Variants in AGXT observed in about 807,000 individuals in gnomAD.
AGXT encodes L-alanine: glyoxylate aminotransferase 1.
In AGXT, 41 loss-of-function variants were observed where a neutral mutation model predicts 46.9. The observed-to-expected ratio is 0.88, with a 90% CI of 0.68 to 1.14. The LOEUF is 1.14. AGXT is among the 50% of genes most tolerant of loss of function. AGXT has a pLI of 0.00. For synonymous variants in AGXT, 244 were observed against 227.9 expected, an observed-to-expected ratio of 1.07 and a Z score of -0.64; for missense variants, 525 against 522.7, an observed-to-expected ratio of 1.00 and a Z score of -0.04.
At chr2:240,872,093 G>A (rs990911837) in intron 4 of AGXT, among the ~76,000 whole-genome samples, 3 of 152,228 alleles carry the variant, frequency 2.0e-5, no homozygotes, top group Admixed American at 2.0e-4. Context: ...CGGCCAGCAC[G>A]AGATACTTTC....
chr2:240,876,839 G>C (rs543288028), intron 8 of AGXT: 1 of 170,028 alleles, frequency 5.9e-6, no homozygotes, highest in Admixed American at 5.7e-5. Context: ...GTGGGTGGGG[G>C]GTGTGAGCTG....
rs180177207 is a variant in AGXT, at chr2:240,869,350, G to A, written c.346G>A (p.Gly116Arg). The change falls in exon 2 of 11, where the codon GGG (glycine) becomes AGG (arginine). Residue 116 changes from glycine (G) to arginine (R), a missense_variant. Physicochemically the swap from Gly to Arg is moderately radical, Grantham distance 125. Coordinates refer to ENST00000307503, the MANE Select transcript of AGXT (RefSeq NM_000030.3). ...GIWGQRAVDI[G>R]ERIGARVHPM... is the part of the protein sequence containing the mutation. ...TTGGGGGCAGCGAGCCGTGGACATC[G>A]GGGAGCGCATAGGTAAGGGAGAGGC... The A allele has an allele frequency of 9.4e-6, 15 of 1,597,378 alleles. No homozygotes were observed. The highest frequency in any genetic ancestry group is 1.1e-5 in the South Asian group (1 of 88,072).
rs886055840 is a variant in AGXT at position 240,873,983 on chromosome 2, G to A, written c.601G>A (p.Asp201Asn). The change falls in exon 6 of 11, where the codon GAC becomes AAC. Residue 201 changes from aspartate (D) to asparagine (N), a missense_variant. Physicochemically the swap from Asp to Asn is conservative, Grantham distance 23. Transcript: ENST00000307503. ...TPLYMDRQGI[D>N]ILYSGSQKAL... ...AGCAAACCACCCATCTACAGGCATC[G>A]ACATCCTGTACTCGGGCTCCCAGAA... 1.7e-5 allele frequency: 28 copies of A among 1,613,476 alleles called. No homozygotes were observed. Among genetic ancestry groups the A allele is most frequent in the South Asian group, 8.8e-5 (8 of 91,088 alleles).
intron 5 of AGXT, 48 bp from the exon 6 acceptor site, chr2:240,873,930 T>A: frequency 6.4e-7 from 1 of 1,568,624 alleles, no homozygotes; most frequent in Non-Finnish European, 8.8e-7. Flanking sequence ...TGGACTGGCC[T>A]GCCCTGAGGT....
chr2:240,870,446 G>T (rs1175839151), intron 2 of AGXT, among the ~76,000 whole-genome samples, 198 bp from the exon 3 acceptor site: 1 of 151,946 alleles, frequency 6.6e-6, no homozygotes, highest in Non-Finnish European at 1.5e-5. Context: ...CAGCAGGGGG[G>T]TCAAGATGGC....
At position 240,869,202 on chromosome 2, in the gene AGXT, C is replaced by T. The variant is rs121908521; in HGVS notation, c.198C>T (p.Tyr66=). The T allele has an allele frequency of 1.6e-5, 25 of 1,528,870 alleles. No individual in the cohort carries two copies. The highest frequency in any genetic ancestry group is 8.8e-5 in the Admixed American group (5 of 56,684). The allele number at this position is 1,528,870 out of a possible 1,614,324, so 94.7% of individuals were successfully genotyped here. Residue 66 remains tyrosine (Y), a synonymous_variant, in exon 2 of 11, where the codon TAC becomes TAT. Transcript: ENST00000307503. The part of the protein sequence containing the change: ...IMDEIKEGIQ[Y]VFQTRNPLTL... The stretch of plus-strand genomic sequence containing the variant: ...ACGAGATCAAGGAAGGCATCCAGTA[C>T]GTGTTCCAGACCAGGAACCCACTCA...
At chr2:240,874,275 G>T (rs1349577990) in intron 6 of AGXT, among the ~76,000 whole-genome samples, 4 of 152,202 alleles carry the variant, frequency 2.6e-5, no homozygotes, top group African/African-American at 9.7e-5. Context: ...GCGTGTGCAG[G>T]GTGCAGAGTC....
At position 240,872,462 on chromosome 2, in the gene AGXT, G is replaced by GTGAGAGTT. The variant is rs1559569307; in HGVS notation, c.525-517_525-516insTGAGAGTT. Among the ~76,000 whole-genome samples the GTGAGAGTT allele has an allele frequency of 2.1e-3, 315 of 148,264 alleles. 11 individuals are homozygous for GTGAGAGTT. Among genetic ancestry groups the GTGAGAGTT allele is most frequent in the African/African-American group, 4.0e-3 (165 of 40,784 alleles). ...TTCGTGAACATGCAGGAGGAGGAGG[G>GTGAGAGTT]CGAGAGTTCGTGAACATGGAGGCGG... On this transcript the variant is annotated intron_variant, in intron 4 of 10. Transcript: ENST00000307503.
At position 240,868,965 on chromosome 2, in the gene AGXT, C is replaced by A. The variant is rs758388293; in HGVS notation, c.100C>A (p.Pro34Thr). The change falls in exon 1 of 11, where the codon CCT becomes ACT. Residue 34 changes from proline to threonine, a missense_variant. Physicochemically the swap from Pro to Thr is conservative, Grantham distance 38 (BLOSUM62 -1). Transcript: ENST00000307503. ...LLLGPGPSNL[P>T]PRIMAAGGLQ... ...GCTGGGGCCTGGTCCTTCCAACCTG[C>A]CTCCTCGCATCATGGCAGCCGGGGG... The A allele has an allele frequency of 6.3e-7, 1 of 1,596,628 alleles. No individual in the cohort carries two copies. The highest frequency in any genetic ancestry group is 1.7e-5 in the Admixed American group (1 of 58,976).
rs1167299323 is a variant in AGXT at position 240,880,191 on chromosome 2, C to T, written c.*1370C>T. On this transcript the variant is annotated 3_prime_UTR_variant, in exon 11 of 11. Coordinates refer to ENST00000307503, the MANE Select transcript of AGXT (RefSeq NM_000030.3). Reference sequence around the variant, plus strand: ...GTCATACAATAGGCTTAACCTTATACGAGACTGCCACGAAATTCTCCGAAG... The same window carrying T: ...GTCATACAATAGGCTTAACCTTATATGAGACTGCCACGAAATTCTCCGAAG... The T allele has an allele frequency of 6.6e-6, 1 of 152,206 alleles. No individual in the cohort carries two copies. Among genetic ancestry groups the T allele is most frequent in the Non-Finnish European group, 1.5e-5 (1 of 68,044 alleles). 9.4% of individuals were successfully genotyped at this position (152,206 alleles called of 1,614,324 possible).
intron 4 of AGXT, among the ~76,000 whole-genome samples, chr2:240,872,292 C>A (rs4991355): frequency 1.1e-3 from 36 of 32,210 alleles, no homozygotes; most frequent in Admixed American, 2.7e-3. Flanking sequence ...CGTGAACATG[C>A]AGGAGGAGGA....
chr2:240,875,546 G>A (rs1239158808), intron 7 of AGXT, among the ~76,000 whole-genome samples: 3 of 152,190 alleles, frequency 2.0e-5, no homozygotes, highest in East Asian at 1.9e-4. Flanking sequence ...CTGAAAAGAC[G>A]ACCTTGGCCA....
chr2:240,871,820 T>C (rs2058992505), intron 4 of AGXT, among the ~76,000 whole-genome samples: 2 of 152,190 alleles, frequency 1.3e-5, no homozygotes, highest in Non-Finnish European at 2.9e-5. Flanking sequence ...CCAGCCTCCC[T>C]CATCCCCGCA....
At chr2:240,873,081 C>G (rs368456910) in intron 5 of AGXT, 32 bp downstream of exon 5, 1 of 1,594,990 alleles carries the variant, frequency 6.3e-7, no homozygotes, top group Admixed American at 1.7e-5. Flanking sequence ...CCTACCCAGC[C>G]CAAGCAGCCT....
chr2:240,879,280 C>A lies in AGXT; in HGVS notation c.*459C>A, dbSNP rs2059045102. ...CACACTCTAGCCCCAGATGTCACAC[C>A]CCCAAACGTCCTCACGCACCACATC... is the stretch of plus-strand genomic sequence containing the variant. On this transcript the variant is annotated 3_prime_UTR_variant, in exon 11 of 11. Transcript: ENST00000307503. 8.7e-6 allele frequency: 2 copies of A among 228,970 alleles called. No individual in the cohort carries two copies. The highest frequency in any genetic ancestry group is 8.7e-6 in the Non-Finnish European group (1 of 115,332). The allele number at this position is 228,970 out of a possible 1,614,324, so 14.2% of individuals were successfully genotyped here. A position where few individuals can be genotyped will look rare whatever the true frequency, so the allele number is the denominator to read the frequency against.
Position 240,878,785 on chromosome 2 carries a change from G to A in AGXT, c.1143G>A (p.Arg381=), listed in dbSNP as rs764214047. The A allele has an allele frequency of 9.4e-6, 15 of 1,595,116 alleles. No individual in the cohort carries two copies. The South Asian group carries it at 1.7e-4, about 18-fold the overall frequency. The change falls in exon 11 of 11, where the codon AGG becomes AGA. Residue 381 remains arginine (R), a synonymous_variant. Transcript: ENST00000307503. ...TGGACCGCGTGACGGAGGCCCTGAG[G>A]GCGGCCCTGCAGCACTGCCCCAAGA... ...ENVDRVTEAL[R]AALQHCPKKK... is the part of the protein sequence containing the mutation.
chr2:240,869,193 C>T lies in AGXT; in HGVS notation c.189C>T (p.Gly63=), dbSNP rs1030478832. 4 of 1,514,644 alleles carry T rather than the reference C, an allele frequency of 2.6e-6. No homozygotes were observed. The highest frequency in any genetic ancestry group is 1.4e-5 in the African/African-American group (1 of 69,878). 93.8% of individuals were successfully genotyped at this position (1,514,644 alleles called of 1,614,324 possible). A position where few individuals can be genotyped will look rare whatever the true frequency, so the allele number is the denominator to read the frequency against. Residue 63 remains glycine, a synonymous_variant, in exon 2 of 11, where the codon GGC becomes GGT. Transcript: ENST00000307503. ...MYQIMDEIKE[G]IQYVFQTRNP... ...AGATCATGGACGAGATCAAGGAAGG[C>T]ATCCAGTACGTGTTCCAGACCAGGA...
At chr2:240,878,541 C>T (rs1394562696) in intron 10 of AGXT, among the ~76,000 whole-genome samples, 173 bp from the exon 11 acceptor site, 1 of 152,212 alleles carries the variant, frequency 6.6e-6, no homozygotes, top group Non-Finnish European at 1.5e-5. Flanking sequence ...CTGCCCTGGC[C>T]TGGGTGCTCA....
chr2:240,878,667 C>A (rs1013789317), intron 10 of AGXT, 47 bp from the exon 11 acceptor site: 3 of 1,517,682 alleles, frequency 2.0e-6, no homozygotes, highest in Non-Finnish European at 2.7e-6. Flanking sequence ...CAGGGTCAGG[C>A]AGGTCCCAGG....
Sources: gnomAD v4.1 joint callset for allele counts (sites outside exome capture counted in the v4.1 genomes callset) on GRCh38, gnomAD v4.1.1 for gene constraint, MANE v1.5 for transcripts, NCBI Gene and HGNC (gene_info 2026-07-23, HGNC 2026-07-21) for gene names.